Variants in ATP8B1 observed in about 807,000 individuals in gnomAD.
ATP8B1 encodes the protein ATPase phospholipid transporting 8B1, also known as phospholipid-transporting ATPase IC.
In ATP8B1, 80 loss-of-function variants were observed where a neutral mutation model predicts 149.9. That is an observed-to-expected ratio of 0.53 (90% CI 0.45 to 0.64). ATP8B1 has a LOEUF of 0.64. ATP8B1 is among the 30% of genes least tolerant of loss of function. The pLI is 0.00. For synonymous variants in ATP8B1, 536 were observed against 562.8 expected, an observed-to-expected ratio of 0.95 and a Z score of 0.67; for missense variants, 1,247 against 1,552.6, an observed-to-expected ratio of 0.80 and a Z score of 3.31.
At chr18:57,798,589 C>T (rs1021077386) in intron 1 of ATP8B1, among the ~76,000 whole-genome samples, 1 of 152,048 alleles carries the variant, frequency 6.6e-6, no homozygotes, top group African/African-American at 2.4e-5. Context: ...GAGCAAGACC[C>T]TGTCTAAAAT....
intron 13 of ATP8B1, 102 bp from the exon 14 acceptor site, chr18:57,685,217 C>G: frequency 7.8e-7 from 1 of 1,274,252 alleles, no homozygotes; most frequent in East Asian, 2.4e-5. Context: ...AGACCATATA[C>G]GGCCTGGACA....
intron 19 of ATP8B1, 120 bp downstream of exon 19, chr18:57,668,309 C>T (rs1457578645): frequency 8.3e-6 from 11 of 1,322,184 alleles, no homozygotes; most frequent in South Asian, 6.2e-5. Flanking sequence ...AAGCATCTTC[C>T]GTCCAAAGAA....
chr18:57,747,994 A>C lies in ATP8B1; in HGVS notation c.-25-16162T>G, dbSNP rs570202662. Among the ~76,000 whole-genome samples the C allele has an allele frequency of 2.8e-4, 42 of 152,284 alleles. No individual in the cohort carries two copies. In the Middle Eastern group the frequency reaches 0.01, roughly 37 times the overall value. On this transcript the variant is annotated intron_variant, in intron 1 of 27. Coordinates refer to ENST00000648908, the MANE Select transcript of ATP8B1 (RefSeq NM_001374385.1). Reference sequence around the variant, plus strand: ...TGAAATATCTACAGAGCTTCCTACCAACAGTCAGCAATTCTATCTGTTCTG... The same window carrying C: ...TGAAATATCTACAGAGCTTCCTACCCACAGTCAGCAATTCTATCTGTTCTG...
At chr18:57,755,108 G>A (rs2080064487) in intron 1 of ATP8B1, among the ~76,000 whole-genome samples, 1 of 152,024 alleles carries the variant, frequency 6.6e-6, no homozygotes, top group Non-Finnish European at 1.5e-5. Context: ...TGTATATCTT[G>A]CCAATAAGAG....
At position 57,711,112 on chromosome 18, in the gene ATP8B1, T is replaced by A. The variant is rs116678656; in HGVS notation, c.182-4525A>T. 1.5e-3 allele frequency among the ~76,000 whole-genome samples: 234 copies of A among 152,346 alleles called. 2 individuals carry two copies. Among genetic ancestry groups the A allele is most frequent in the African/African-American group, 5.3e-3 (221 of 41,576 alleles). ...AACAGACACTCTGAGGTAGCCTTTATGGAGAGTAATTTGGCCAGATCTCAA... is the reference window on the plus strand; with the variant it reads ...AACAGACACTCTGAGGTAGCCTTTAAGGAGAGTAATTTGGCCAGATCTCAA... On this transcript the variant is annotated intron_variant, in intron 2 of 27. Transcript: ENST00000648908.
intron 2 of ATP8B1, among the ~76,000 whole-genome samples, chr18:57,715,281 A>G (rs2079573388): frequency 6.6e-6 from 1 of 152,198 alleles, no homozygotes; most frequent in Non-Finnish European, 1.5e-5. Context: ...ACAAAGAATT[A>G]GTGAGCTGGA....
intron 2 of ATP8B1, among the ~76,000 whole-genome samples, chr18:57,710,607 T>C (rs1174614237): frequency 6.6e-6 from 1 of 151,804 alleles, no homozygotes; most frequent in Non-Finnish European, 1.5e-5. Context: ...ATAGAAACAA[T>C]TGAAGAGAGA....
At chr18:57,664,957 C>T (rs1021010446) in intron 20 of ATP8B1, among the ~76,000 whole-genome samples, 4 of 152,118 alleles carry the variant, frequency 2.6e-5, no homozygotes, top group African/African-American at 9.7e-5. Flanking sequence ...ATGTCTTGGG[C>T]CTAATAATCC....
At chr18:57,670,459 C>T (rs554013053) in intron 17 of ATP8B1, among the ~76,000 whole-genome samples, 9 of 150,246 alleles carry the variant, frequency 6.0e-5, no homozygotes, top group African/African-American at 1.7e-4. Context: ...TCACGCCATT[C>T]TCCTGCCTCA....
intron 2 of ATP8B1, among the ~76,000 whole-genome samples, chr18:57,729,895 C>T (rs1264443471): frequency 6.6e-6 from 1 of 152,042 alleles, no homozygotes; most frequent in African/African-American, 2.4e-5. Context: ...AGTTTAGTAC[C>T]TTCTGATTCA....
intron 1 of ATP8B1, among the ~76,000 whole-genome samples, chr18:57,775,326 AAG>A (rs2123391378): frequency 6.6e-6 from 1 of 152,050 alleles, no homozygotes; most frequent in South Asian, 2.1e-4. Flanking sequence ...AAAAAAAGAA[AAG>A]AGAAAGAGAA....
rs1568189146 is a variant in ATP8B1, at chr18:57,672,898, AT to A, written c.1820-1319del. Among the ~76,000 whole-genome samples the A allele has an allele frequency of 1.0e-3, 40 of 39,706 alleles. 4 individuals carry two copies. In the East Asian group the frequency reaches 0.058, roughly 58 times the overall value. The allele number at this position is 39,706 out of a possible 152,430, so 26.0% of individuals were successfully genotyped here. A position where few individuals can be genotyped will look rare whatever the true frequency, so the allele number is the denominator to read the frequency against. ...AAAAAAAAAAAAAGTATATATATAT[AT>A]ATATATATATATATATATATATATA... is the stretch of plus-strand genomic sequence containing the variant. On this transcript the variant is annotated intron_variant, in intron 16 of 27. Transcript: ENST00000648908.
At chr18:57,678,820 A>C (rs1365537892) in intron 15 of ATP8B1, among the ~76,000 whole-genome samples, 7 of 44,020 alleles carry the variant, frequency 1.6e-4, no homozygotes, top group African/African-American at 4.5e-4. Flanking sequence ...AGGCAGGAGA[A>C]TCGCATAAAC....
intron 1 of ATP8B1, among the ~76,000 whole-genome samples, chr18:57,781,800 A>C (rs184116254): frequency 1.6e-4 from 25 of 152,214 alleles, no homozygotes; most frequent in Middle Eastern, 3.4e-3. Flanking sequence ...GAACAACATA[A>C]GGATACCCCT....
intron 16 of ATP8B1, among the ~76,000 whole-genome samples, chr18:57,674,617 A>C (rs1000403542): frequency 2.0e-5 from 3 of 151,720 alleles, no homozygotes; most frequent in African/African-American, 7.3e-5. Context: ...CGATCTCCTG[A>C]CCTCGTGATC....
chr18:57,652,016 G>A lies in ATP8B1; in HGVS notation c.3400+18C>T. 6.2e-7 allele frequency: 1 copy of A among 1,610,052 alleles called. No individual in the cohort carries two copies. Among genetic ancestry groups the A allele is most frequent in the Non-Finnish European group, 8.5e-7 (1 of 1,177,450 alleles). ...ACATTTGTCTGTACATTTATTTTTGGAATTTGGAAATACCAACCTGTAAAT... is the reference window on the plus strand; with the variant it reads ...ACATTTGTCTGTACATTTATTTTTGAAATTTGGAAATACCAACCTGTAAAT... On this transcript the variant is annotated intron_variant, in intron 26 of 27. Coordinates refer to ENST00000648908, the MANE Select transcript of ATP8B1 (RefSeq NM_001374385.1).
intron 18 of ATP8B1, 35 bp downstream of exon 18, chr18:57,669,283 A>T (rs1478713903): frequency 6.4e-7 from 1 of 1,562,552 alleles, no homozygotes; most frequent in Non-Finnish European, 8.7e-7. Context: ...TCTGCTTAGA[A>T]TATCAAAGAA....
At chr18:57,753,106 A>G (rs1021224101) in intron 1 of ATP8B1, among the ~76,000 whole-genome samples, 1 of 152,192 alleles carries the variant, frequency 6.6e-6, no homozygotes, top group Non-Finnish European at 1.5e-5. Flanking sequence ...AGAGTGCTTA[A>G]AAAACCCCGA....
chr18:57,776,413 T>G (rs1424192286), intron 1 of ATP8B1, among the ~76,000 whole-genome samples: 1 of 152,196 alleles, frequency 6.6e-6, no homozygotes, highest in Non-Finnish European at 1.5e-5. Context: ...TTAATGACCT[T>G]CACCTTGCAG....
Sources: gnomAD v4.1 joint callset for allele counts (sites outside exome capture counted in the v4.1 genomes callset) on GRCh38, gnomAD v4.1.1 for gene constraint, MANE v1.5 for transcripts, NCBI Gene and HGNC (gene_info 2026-07-23, HGNC 2026-07-21) for gene names.